The following COL4A5 variants were observed in gnomAD, a reference collection of about 807,000 sequenced individuals.
The protein encoded by COL4A5 is collagen alpha-5(IV) chain.
Under a neutral mutation model 130.2 loss-of-function variants are expected in COL4A5, and 26 were observed. That is an observed-to-expected ratio of 0.20 (90% CI 0.15 to 0.28). The LOEUF (loss-of-function observed/expected upper bound fraction) is 0.28, where lower values mean the gene tolerates loss of function less well. COL4A5 is among the 10% of genes least tolerant of loss of function. The probability of loss-of-function intolerance (pLI) is 1.00; values close to 1 mark genes in which losing one functional copy is unlikely to be tolerated. For missense variants in COL4A5, 1,131 were observed against 1,344.3 expected (o/e 0.84, Z 2.48); for synonymous variants, 496 against 439.6 (o/e 1.13, Z -1.60).
chrX:108,690,144 A>G (rs2068621912), intron 49 of COL4A5: 1 of 355,677 alleles, frequency 2.8e-6, no homozygotes, highest in Non-Finnish European at 3.6e-6. Flanking sequence ...TATGATTAAG[A>G]AAAATGTATA....
intron 13 of COL4A5, 90 bp downstream of exon 13, chrX:108,578,473 T>C: frequency 1.6e-6 from 1 of 633,302 alleles, no homozygotes; most frequent in Non-Finnish European, 2.7e-6. Flanking sequence ...TGTATATGTA[T>C]ATCAAAACAT....
chrX:108,678,244 A>G (rs2068348151), intron 44 of COL4A5, among the ~76,000 whole-genome samples: 1 of 111,974 alleles, frequency 8.9e-6, no homozygotes. Context: ...GGCAGTCAAC[A>G]CAATCTGGAC....
intron 47 of COL4A5, among the ~76,000 whole-genome samples, chrX:108,682,290 A>G (rs2147983067): frequency 8.9e-6 from 1 of 112,223 alleles, no homozygotes; most frequent in East Asian, 2.8e-4. Flanking sequence ...TATCCAGCCT[A>G]TCATTAATAG....
At chrX:108,595,303 A>G (rs1329805586) in intron 21 of COL4A5, among the ~76,000 whole-genome samples, 1 of 112,226 alleles carries the variant, frequency 8.9e-6, no homozygotes, top group East Asian at 2.8e-4. Flanking sequence ...TTGCTCACCA[A>G]TGTAACACAA....
intron 52 of COL4A5, chrX:108,695,951 A>G: frequency 8.6e-6 from 2 of 231,927 alleles, no homozygotes; most frequent in Non-Finnish European, 1.6e-5. Context: ...TATTTTTCTT[A>G]TGGTCCTTGT....
chrX:108,448,614 T>A (rs2064477388), intron 1 of COL4A5, among the ~76,000 whole-genome samples: 1 of 111,899 alleles, frequency 8.9e-6, no homozygotes, highest in Non-Finnish European at 1.9e-5. Context: ...CTGTCCATAT[T>A]CTCACAATTT....
chrX:108,547,694 C>T (rs1175382347), intron 2 of COL4A5, among the ~76,000 whole-genome samples: 3 of 111,834 alleles, frequency 2.7e-5, no homozygotes, highest in Non-Finnish European at 5.6e-5. Context: ...TCAGCTATGC[C>T]CTGCCCCCAG....
chrX:108,540,665 G>C (rs764723424), intron 2 of COL4A5, among the ~76,000 whole-genome samples: 2 of 111,323 alleles, frequency 1.8e-5, no homozygotes, highest in South Asian at 7.7e-4. Flanking sequence ...TGGCTAGGCT[G>C]GTCTCGAACT....
chrX:108,625,286 C>A (rs994364518), intron 34 of COL4A5, among the ~76,000 whole-genome samples: 1 of 111,552 alleles, frequency 9.0e-6, no homozygotes, highest in African/African-American at 3.3e-5. Flanking sequence ...AGGTTACCAC[C>A]TTTTCTCTTT....
intron 1 of COL4A5, among the ~76,000 whole-genome samples, chrX:108,531,523 A>G (rs1662780563): frequency 9.1e-6 from 1 of 110,299 alleles, no homozygotes; most frequent in South Asian, 3.8e-4. Context: ...AAATTTAACA[A>G]TCTAGCAATG....
chrX:108,635,099 A>G lies in COL4A5; in HGVS notation c.3246+8750A>G, dbSNP rs186656999. Among the ~76,000 whole-genome samples the G allele has an allele frequency of 1.4e-3, 158 of 111,407 alleles. 5 individuals carry two copies. The East Asian group carries it at 0.032, about 23-fold the overall frequency. On this transcript the variant is annotated intron_variant, in intron 36 of 52. Transcript: ENST00000328300. ...GTTAGTCAAAAAGCATGATTAATAA[A>G]GTATACTGAAAACCCCAGACAAGGA...
Position 108,507,547 on chromosome X carries a change from G to A in COL4A5, c.82-32199G>A, listed in dbSNP as rs781719280. 1.3e-4 allele frequency among the ~76,000 whole-genome samples: 15 copies of A among 112,050 alleles called. No homozygotes were observed. In the East Asian group the frequency reaches 2.5e-3, roughly 19 times the overall value. On this transcript the variant is annotated intron_variant, in intron 1 of 52. Transcript: ENST00000328300. ...ATTCCGGCCGGGCATGGTGGCTCAC[G>A]CCTGTAGTCTCAGCACTTTGGGAGG...
intron 36 of COL4A5, among the ~76,000 whole-genome samples, chrX:108,643,096 C>T (rs762112804): frequency 1.3e-4 from 14 of 111,298 alleles, no homozygotes; most frequent in African/African-American, 4.6e-4. Flanking sequence ...AATGAACACA[C>T]TTATAGAAAT....
At chrX:108,588,135 A>G (rs1400902105) in intron 19 of COL4A5, among the ~76,000 whole-genome samples, 1 of 111,143 alleles carries the variant, frequency 9.0e-6, no homozygotes, top group African/African-American at 3.3e-5. Context: ...CCTTATCTAG[A>G]ATGTTTATTT....
chrX:108,606,369 T>C (rs908086222), intron 28 of COL4A5, among the ~76,000 whole-genome samples: 1 of 112,001 alleles, frequency 8.9e-6, no homozygotes, highest in African/African-American at 3.2e-5. Context: ...ATTGACATTT[T>C]ATACAAAAAC....
intron 1 of COL4A5, among the ~76,000 whole-genome samples, chrX:108,507,247 C>CAAAAAAAAAAAAAAAAAAAAAAAA (rs1195605237): frequency 3.9e-5 from 2 of 50,880 alleles, no homozygotes; most frequent in South Asian, 1.0e-3. Context: ...ACAACAACAA[C>CAAAAAAAAAAAAAAAAAAAAAAAA]AAAAAAAAAA....
intron 36 of COL4A5, among the ~76,000 whole-genome samples, chrX:108,654,023 A>C (rs1024382442): frequency 1.8e-5 from 2 of 112,360 alleles, no homozygotes; most frequent in Non-Finnish European, 3.8e-5. Flanking sequence ...TGAGTCAAAA[A>C]TAGATCTTAC....
chrX:108,597,166 T>C, intron 23 of COL4A5, 98 bp downstream of exon 23: 1 of 839,910 alleles, frequency 1.2e-6, no homozygotes, highest in Non-Finnish European at 1.7e-6. Context: ...ATATACAATT[T>C]AATTTTTCCA....
intron 1 of COL4A5, among the ~76,000 whole-genome samples, chrX:108,449,688 G>T (rs1336648791): frequency 9.0e-6 from 1 of 111,449 alleles, no homozygotes; most frequent in African/African-American, 3.3e-5. Flanking sequence ...TCTGGTGAGG[G>T]CCCTCTTTCT....
Sources: allele counts gnomAD v4.1 joint callset (sites outside exome capture counted in the v4.1 genomes callset), GRCh38; gene constraint gnomAD v4.1.1; transcripts MANE v1.5; gene names NCBI Gene and HGNC (gene_info 2026-07-23, HGNC 2026-07-21).